ZNF254: variants seen among roughly 807,000 people sequenced by gnomAD.
ZNF254 encodes zinc finger protein 254, also known as CTD-2017D11.1.
In ZNF254, 10 loss-of-function variants were observed where a neutral mutation model predicts 12.4. The observed-to-expected ratio is 0.80, with a 90% CI of 0.50 to 1.36. The LOEUF (loss-of-function observed/expected upper bound fraction) is 1.36. Among genes scored for constraint, ZNF254 ranks in the 40% most tolerant of loss-of-function variants. The pLI is 0.00. For synonymous variants in ZNF254, 305 were observed against 253.4 expected (o/e 1.20, Z -1.93); for missense variants, 996 against 763.9 (o/e 1.30, Z -3.58).
At chr19:24,065,547 A>G (rs1006909173) in intron 2 of ZNF254, 2 of 152,180 alleles carry the variant, frequency 1.3e-5, no homozygotes, top group African/African-American at 4.8e-5. Flanking sequence ...CCTGTGCAGG[A>G]TTGTTAATTC....
At chr19:24,120,416 G>A (rs1195105148) in intron 3 of ZNF254, among the ~76,000 whole-genome samples, 1 of 150,468 alleles carries the variant, frequency 6.6e-6, no homozygotes, top group Non-Finnish European at 1.5e-5. Flanking sequence ...TTATACCTCT[G>A]TATTTTTCAG....
chr19:24,059,477 G>C (rs1352078609), intron 2 of ZNF254, among the ~76,000 whole-genome samples: 2 of 152,138 alleles, frequency 1.3e-5, no homozygotes, highest in Non-Finnish European at 2.9e-5. Context: ...TTTTCACAGG[G>C]GGCATTGTGA....
chr19:24,095,692 T>A (rs779834093), intron 1 of ZNF254, among the ~76,000 whole-genome samples: 1 of 152,180 alleles, frequency 6.6e-6, no homozygotes, highest in Non-Finnish European at 1.5e-5. Flanking sequence ...CATAGTACAT[T>A]TCAAGATATT....
chr19:24,047,212 C>T lies in ZNF254; in HGVS notation c.-94+933C>T, dbSNP rs183358226. On this transcript the variant is annotated intron_variant, in intron 2 of 4. Coordinates refer to the ZNF254 transcript ENST00000613065. ...TTTTTTTCTCCCTTTTTGTCTCTCT[C>T]TTTCTATGTGTCTTTCCCTCTGTTT... Among the ~76,000 whole-genome samples, 18 of 151,724 alleles carry T rather than the reference C, an allele frequency of 1.2e-4. No homozygotes were observed. The East Asian group carries it at 3.5e-3, about 29-fold the overall frequency.
intron 1 of ZNF254, chr19:24,104,615 T>G (rs1465378254): frequency 6.6e-6 from 1 of 152,142 alleles, no homozygotes; most frequent in Non-Finnish European, 1.5e-5. Context: ...TCTGAAAAAT[T>G]TTTCTATATA....
chr19:24,083,364 T>C (rs1465286269), upstream of ZNF254, among the ~76,000 whole-genome samples: 3 of 152,116 alleles, frequency 2.0e-5, no homozygotes, highest in Non-Finnish European at 2.9e-5. Flanking sequence ...ATGGGTAGGG[T>C]TAGTATTGTA....
At chr19:24,044,773 T>A (rs1326724740) in intron 1 of ZNF254, among the ~76,000 whole-genome samples, 2 of 152,184 alleles carry the variant, frequency 1.3e-5, no homozygotes, top group African/African-American at 4.8e-5. Context: ...TATTTCATCT[T>A]GGGTCAAATT....
intron 1 of ZNF254, among the ~76,000 whole-genome samples, chr19:24,043,825 G>T (rs565391043): frequency 6.6e-6 from 1 of 152,278 alleles, no homozygotes; most frequent in African/African-American, 2.4e-5. Context: ...TTCTGTTGTT[G>T]CCTTGTTTAT....
At chr19:24,092,579 C>T (rs551540284) in intron 1 of ZNF254, among the ~76,000 whole-genome samples, 2 of 152,124 alleles carry the variant, frequency 1.3e-5, no homozygotes, top group South Asian at 4.2e-4. Context: ...TGGGATTTTT[C>T]CATGTTGCTC....
chr19:24,113,624 C>A (rs929252544), intron 3 of ZNF254, among the ~76,000 whole-genome samples: 1 of 152,132 alleles, frequency 6.6e-6, no homozygotes, highest in Non-Finnish European at 1.5e-5. Flanking sequence ...AAAACTGGCA[C>A]AAGACAGGGA....
At chr19:24,042,160 G>A (rs923389308) in intron 1 of ZNF254, among the ~76,000 whole-genome samples, 1 of 151,760 alleles carries the variant, frequency 6.6e-6, no homozygotes, top group Non-Finnish European at 1.5e-5. Context: ...TGCACCAGTC[G>A]ACACTCTGTA....
At chr19:24,095,075 G>A (rs1470810142) in intron 1 of ZNF254, among the ~76,000 whole-genome samples, 1 of 152,158 alleles carries the variant, frequency 6.6e-6, no homozygotes, top group Admixed American at 6.5e-5. Context: ...TCAATGGCTA[G>A]GTTGTTGAGG....
At chr19:24,080,062 T>G (rs1011744070) in intron 2 of ZNF254, 1 of 152,182 alleles carries the variant, frequency 6.6e-6, no homozygotes, top group South Asian at 2.1e-4. Context: ...GCCCCTGATA[T>G]CCATAGAAAA....
intron 3 of ZNF254, among the ~76,000 whole-genome samples, chr19:24,120,450 G>A (rs1428944832): frequency 1.3e-5 from 2 of 151,986 alleles, no homozygotes; most frequent in African/African-American, 4.8e-5. Flanking sequence ...AAATTATTTT[G>A]TGTATTAACA....
intron 1 of ZNF254, chr19:24,099,123 G>A (rs1318636465): frequency 6.8e-6 from 1 of 147,594 alleles, no homozygotes; most frequent in Non-Finnish European, 1.5e-5. Context: ...CAGCCTCCGA[G>A]TAGCTGAAAT....
At position 24,117,015 on chromosome 19, in the gene ZNF254, C is replaced by A. The variant is rs571042089; in HGVS notation, c.254-9239C>A. Among the ~76,000 whole-genome samples, 311 of 152,236 alleles carry A rather than the reference C, an allele frequency of 2.0e-3. 2 individuals are homozygous for A. Among genetic ancestry groups the A allele is most frequent in the African/African-American group, 7.3e-3 (302 of 41,558 alleles). Reference sequence around the variant, plus strand: ...CAGTGGCTGCAGAACAGCTGATTTTCGTGAACCGCGAATACTGCTGTCTGA... The same window carrying A: ...CAGTGGCTGCAGAACAGCTGATTTTAGTGAACCGCGAATACTGCTGTCTGA... On this transcript the variant is annotated intron_variant, in intron 3 of 3. Coordinates refer to ENST00000357002, the MANE Select transcript of ZNF254 (RefSeq NM_203282.4).
rs143574815 is a variant in ZNF254, at chr19:24,120,654, T to TTTG, written c.254-5575_254-5573dup. Among the ~76,000 whole-genome samples the TTTG allele has an allele frequency of 8.6e-3, 1,306 of 151,360 alleles. 10 individuals are homozygous for TTTG. The highest frequency in any genetic ancestry group is 0.021 in the South Asian group (99 of 4,792). ...TAAAATTGACTCATTTTAGCATTTC[T>TTTG]TTGTTGTTGTTGTTGTTGTTGTTGT... is the stretch of plus-strand genomic sequence containing the variant. On this transcript the variant is annotated intron_variant, in intron 3 of 3. Coordinates refer to ENST00000357002, the MANE Select transcript of ZNF254 (RefSeq NM_203282.4).
chr19:24,095,993 C>G (rs1282409692), intron 1 of ZNF254, among the ~76,000 whole-genome samples: 1 of 149,716 alleles, frequency 6.7e-6, no homozygotes, highest in African/African-American at 2.5e-5. Flanking sequence ...GCATTAAATG[C>G]TATAAATTTC....
intron 1 of ZNF254, among the ~76,000 whole-genome samples, chr19:24,037,348 G>A (rs184151534): frequency 5.9e-5 from 9 of 152,288 alleles, no homozygotes; most frequent in Admixed American, 2.6e-4. Context: ...ACAAAAATTA[G>A]AAATACAGTC....
Sources: allele counts gnomAD v4.1 joint callset (sites outside exome capture counted in the v4.1 genomes callset), GRCh38; gene constraint gnomAD v4.1.1; transcripts MANE v1.5; gene names NCBI Gene and HGNC (gene_info 2026-07-23, HGNC 2026-07-21).